The following KCNH3 variants were observed in gnomAD, a reference collection of about 807,000 sequenced individuals.
KCNH3 encodes the protein potassium voltage-gated channel subfamily H member 3.
In KCNH3, 36 loss-of-function variants were observed where a neutral mutation model predicts 95.6. The observed-to-expected ratio is 0.38, with a 90% CI of 0.29 to 0.50. The LOEUF (loss-of-function observed/expected upper bound fraction) is 0.50. Ranked by LOEUF, KCNH3 falls within the 20% of genes least tolerant of loss-of-function variation. The probability of loss-of-function intolerance (pLI) is 0.95; values close to 1 mark genes in which losing one functional copy is unlikely to be tolerated. For synonymous variants in KCNH3, 620 were observed against 646.3 expected, an observed-to-expected ratio of 0.96 and a Z score of 0.62; for missense variants, 1,030 against 1,484.1, an observed-to-expected ratio of 0.69 and a Z score of 5.03.
intron 5 of KCNH3, 191 bp from the exon 6 acceptor site, chr12:49,543,724 C>A: frequency 9.8e-7 from 1 of 1,022,494 alleles, no homozygotes; most frequent in African/African-American, 1.6e-5. Flanking sequence ...CTCTCTGAGC[C>A]TCCATAAAAT....
chr12:49,545,612 C>G (rs774828145), intron 7 of KCNH3, among the ~76,000 whole-genome samples: 1 of 151,958 alleles, frequency 6.6e-6, no homozygotes, highest in Non-Finnish European at 1.5e-5. Context: ...AGGATGGTCT[C>G]GATCTCCTGA....
chr12:49,556,827 G>T (rs959234465), intron 13 of KCNH3: 1 of 643,744 alleles, frequency 1.6e-6, no homozygotes, highest in Non-Finnish European at 2.9e-6. Context: ...TAACTGAAGG[G>T]ATAGAGGGCT....
In KCNH3 at chr12:49,542,753, G is replaced by T; in HGVS notation, c.493G>T (p.Ala165Ser). Residue 165 changes from alanine to serine, a missense_variant, in exon 4 of 15, where the codon GCC becomes TCC. Ala to Ser is a moderately conservative substitution (Grantham distance 99). Around this residue, in one of 9 missense-constraint regions of KCNH3, gnomAD observed 92 missense variants for 92.7 expected, o/e 0.99. Transcript: ENST00000257981. ...YGRARSKGFNANRRRSRAVLY... is the reference protein window; with the variant it reads ...YGRARSKGFNSNRRRSRAVLY... ...CCGGGCACGATCCAAAGGCTTCAAT[G>T]CCAACCGGCGGCGGAGCCGGGCCGT... 6.3e-7 allele frequency: 1 copy of T among 1,589,618 alleles called. No individual in the cohort carries two copies. Among genetic ancestry groups the T allele is most frequent in the Non-Finnish European group, 8.6e-7 (1 of 1,168,988 alleles).
intron 11 of KCNH3, among the ~76,000 whole-genome samples, chr12:49,554,837 G>A (rs1938379250): frequency 6.6e-6 from 1 of 152,220 alleles, no homozygotes; most frequent in South Asian, 2.1e-4. Context: ...CTGGCACAGG[G>A]AGGGGTGGCT....
At chr12:49,541,363 G>A (rs1937865640) in intron 2 of KCNH3, among the ~76,000 whole-genome samples, 1 of 152,160 alleles carries the variant, frequency 6.6e-6, no homozygotes, top group Non-Finnish European at 1.5e-5. Flanking sequence ...CCAACCTCGG[G>A]TTTCCCGCAT....
chr12:49,549,006 A>T lies in KCNH3; in HGVS notation c.1301A>T (p.Glu434Val). 6.2e-7 allele frequency: 1 copy of T among 1,611,562 alleles called. No homozygotes were observed. Among genetic ancestry groups the T allele is most frequent in the Non-Finnish European group, 8.5e-7 (1 of 1,179,410 alleles). The change falls in exon 8 of 15, where the codon GAG becomes GTG. Residue 434 changes from glutamate (E) to valine (V), a missense_variant. This residue lies in a region of KCNH3 where 50 missense variants were observed against 41.0 expected (regional missense o/e 1.22). Transcript: ENST00000257981. ...GQSDNCSSSS[E>V]ANGTGLELLG... Reference sequence around the variant, plus strand: ...AGTGACAACTGCAGCAGCAGCAGCGAGGCCAACGGGACGGGGCTGGAGCTG... The same window carrying T: ...AGTGACAACTGCAGCAGCAGCAGCGTGGCCAACGGGACGGGGCTGGAGCTG...
intron 1 of KCNH3, among the ~76,000 whole-genome samples, chr12:49,540,199 C>G (rs1937824549): frequency 6.6e-6 from 1 of 152,142 alleles, no homozygotes; most frequent in Admixed American, 6.6e-5. Context: ...CCTTGGTCTC[C>G]GGTTCCTGAT....
In KCNH3 at chr12:49,544,245, G is replaced by C; in HGVS notation, c.1052G>C (p.Arg351Pro). 6.3e-7 allele frequency: 1 copy of C among 1,594,256 alleles called. No individual in the cohort carries two copies. Among genetic ancestry groups the C allele is most frequent in the Non-Finnish European group, 8.5e-7 (1 of 1,171,714 alleles). Residue 351 changes from arginine to proline, a missense_variant, in exon 7 of 15, where the codon CGG (arginine) becomes CCG (proline). Coordinates refer to ENST00000257981, the MANE Select transcript of KCNH3 (RefSeq NM_012284.3). ...RLLRLLPRLD[R>P]YSQYSAVVLT... Reference sequence around the variant, plus strand: ...CTGCGCCTGCTTCCGCGGCTGGACCGGTACTCGCAGTACAGCGCCGTGGTG... The same window carrying C: ...CTGCGCCTGCTTCCGCGGCTGGACCCGTACTCGCAGTACAGCGCCGTGGTG...
intron 5 of KCNH3, 58 bp downstream of exon 5, chr12:49,543,576 G>T (rs1352300787): frequency 1.0e-5 from 16 of 1,564,118 alleles, no homozygotes; most frequent in Non-Finnish European, 1.4e-5. Flanking sequence ...GGCTTTGCTG[G>T]GGATAGTCCA....
rs367908197 is a variant in KCNH3, at chr12:49,546,450, G to A, written c.1189+2068G>A. ...GCAGGGGGAGGTGAGGCTGAGGTGG[G>A]GGGGTGGGCAGCTGGCCCAGTTCAG... is the stretch of plus-strand genomic sequence containing the variant. On this transcript the variant is annotated intron_variant, in intron 7 of 14. Coordinates refer to ENST00000257981, the MANE Select transcript of KCNH3 (RefSeq NM_012284.3). 1.5e-3 allele frequency among the ~76,000 whole-genome samples: 222 copies of A among 152,246 alleles called. No individual in the cohort carries two copies. In the South Asian group the frequency reaches 0.015, roughly 11 times the overall value.
chr12:49,554,539 G>C lies in KCNH3; in HGVS notation c.2121G>C (p.Gly707=). The C allele has an allele frequency of 6.2e-7, 1 of 1,612,986 alleles. No individual in the cohort carries two copies. Among genetic ancestry groups the C allele is most frequent in the South Asian group, 1.1e-5 (1 of 91,074 alleles). ...RGELSYNLGA[G]GGSAEVDTSS... is the part of the protein sequence containing the mutation. ...AGCTCAGCTACAACCTGGGTGCTGG[G>C]GGAGGCTCTGCAGAGGTGAGTGTGC... is the stretch of plus-strand genomic sequence containing the variant. The change falls in exon 11 of 15, where the codon GGG becomes GGC. Residue 707 remains glycine, a synonymous_variant. Coordinates refer to ENST00000257981, the MANE Select transcript of KCNH3 (RefSeq NM_012284.3).
intron 9 of KCNH3, 70 bp from the exon 10 acceptor site, chr12:49,550,010 G>C (rs2138154536): frequency 1.4e-6 from 2 of 1,479,194 alleles, no homozygotes; most frequent in Non-Finnish European, 1.8e-6. Context: ...GGGTGGAGAG[G>C]GGCTGGCTGG....
In KCNH3 at chr12:49,539,526, C is replaced by T. The variant is rs1937796113; in HGVS notation, c.76+34C>T. On this transcript the variant is annotated intron_variant, in intron 1 of 14. Transcript: ENST00000257981. The surrounding 1 kb of genome is among the most constrained non-coding windows in gnomAD (Gnocchi z 6.7). Reference sequence around the variant, plus strand: ...GACCCTCGCCCACTTGCACCCGGGCCGCCGGACCCTCGCCAGGGCTCCCGC... The same window carrying T: ...GACCCTCGCCCACTTGCACCCGGGCTGCCGGACCCTCGCCAGGGCTCCCGC... The T allele has an allele frequency of 1.3e-6, 2 of 1,564,342 alleles. No homozygotes were observed. The highest frequency in any genetic ancestry group is 1.4e-5 in the African/African-American group (1 of 71,826).
chr12:49,547,701 GCCTGAAGTGTTGGGGAGAGT>G (rs886952702), intron 7 of KCNH3, among the ~76,000 whole-genome samples: 2 of 152,164 alleles, frequency 1.3e-5, no homozygotes, highest in Non-Finnish European at 2.9e-5. Context: ...GGACCCATAT[GCCTGAAGTGTTGGGGAGAGT>G]CTGGAGTAGG....
chr12:49,557,449 T>G lies in KCNH3; in HGVS notation c.2748T>G (p.Gly916=), dbSNP rs2241418. ...TTGTCCTGGCGCCCCACAGGGAGGG[T>G]CCGTGCCCTCGGGCATCGGGAGAGG... ...VQLVLAPHRE[G]PCPRASGEGP... Residue 916 remains glycine, a synonymous_variant, in exon 15 of 15, where the codon GGT becomes GGG. Transcript: ENST00000257981. 4 of 1,609,782 alleles carry G rather than the reference T, an allele frequency of 2.5e-6. No homozygotes were observed. Among genetic ancestry groups the G allele is most frequent in the Admixed American group, 1.7e-5 (1 of 59,754 alleles).
rs557123023 is a variant in KCNH3 at position 49,554,656 on chromosome 12, C to T, written c.2136+102C>T. The T allele has an allele frequency of 2.8e-6, 3 of 1,055,264 alleles. No homozygotes were observed. In the Admixed American group the frequency reaches 6.0e-5, roughly 21 times the overall value. The allele number at this position is 1,055,264 out of a possible 1,614,324, so 65.4% of individuals were successfully genotyped here. A position where few individuals can be genotyped will look rare whatever the true frequency, so the allele number is the denominator to read the frequency against. ...GTGGAGAGCTGTGTGTGAAGTGTGGCCTGGTATGAAAGCTCCCACCTTGGG... is the reference window on the plus strand; with the variant it reads ...GTGGAGAGCTGTGTGTGAAGTGTGGTCTGGTATGAAAGCTCCCACCTTGGG... On this transcript the variant is annotated intron_variant, in intron 11 of 14. Coordinates refer to ENST00000257981, the MANE Select transcript of KCNH3 (RefSeq NM_012284.3).
At chr12:49,554,091 C>G (rs1275282980) in intron 10 of KCNH3, among the ~76,000 whole-genome samples, 1 of 152,222 alleles carries the variant, frequency 6.6e-6, no homozygotes, top group Admixed American at 6.5e-5. Flanking sequence ...TGGTTTTGAT[C>G]CTGAATGTGT....
chr12:49,540,745 CTGAT>C (rs1403589257), intron 1 of KCNH3, among the ~76,000 whole-genome samples, 150 bp from the exon 2 acceptor site: 2 of 152,380 alleles, frequency 1.3e-5, no homozygotes, highest in South Asian at 4.1e-4. Context: ...GTGACACACA[CTGAT>C]TGCTATTCAT....
chr12:49,550,385 T>C, intron 10 of KCNH3, 56 bp downstream of exon 10: 2 of 1,535,478 alleles, frequency 1.3e-6, no homozygotes, highest in Non-Finnish European at 8.8e-7. Context: ...ACCATGGCCC[T>C]GATCTGTGGA....
Sources: allele counts gnomAD v4.1 joint callset (sites outside exome capture counted in the v4.1 genomes callset), GRCh38; gene constraint gnomAD v4.1.1; regional missense constraint gnomAD v4.1.1; non-coding constraint Gnocchi (gnomAD v3.1); transcripts MANE v1.5; gene names NCBI Gene and HGNC (gene_info 2026-07-23, HGNC 2026-07-21).